Variants in TMEM67 observed in about 807,000 individuals in gnomAD.
TMEM67 encodes transmembrane protein 67.
A neutral mutation model predicts 136.6 loss-of-function variants in TMEM67; 124 were observed. The ratio of observed to expected loss-of-function variants is 0.91; its 90% CI spans 0.78 to 1.05. TMEM67 has a LOEUF of 1.05. Ranked by LOEUF, TMEM67 falls within the 50% of genes least tolerant of loss-of-function variation. The pLI is 0.00. For synonymous variants in TMEM67, 364 were observed against 390.5 expected, an observed-to-expected ratio of 0.93 and a Z score of 0.80; for missense variants, 1,107 against 1,178.4, an observed-to-expected ratio of 0.94 and a Z score of 0.89.
chr8:93,758,489 G>A lies in TMEM67; in HGVS notation c.319G>A (p.Val107Ile). The A allele has an allele frequency of 1.2e-6, 2 of 1,612,758 alleles. No individual in the cohort carries two copies. Among genetic ancestry groups the A allele is most frequent in the Non-Finnish European group, 1.7e-6 (2 of 1,178,998 alleles). Residue 107 changes from valine to isoleucine, a missense_variant, in exon 3 of 28, where the codon GTT becomes ATT. By Grantham distance (29) the Val-to-Ile change is conservative. This residue lies in a region of TMEM67 where 178 missense variants were observed against 159.2 expected (regional missense o/e 1.12). Transcript: ENST00000453321. ...TTTTTTTCTTTTAATTTAGAAAGGT[G>A]TTACAGAAGATGGCTGGAACTGCAT... ...CKKCPENMKG[V>I]TEDGWNCISC...
At chr8:93,756,088 C>T in intron 2 of TMEM67, 1 of 425,328 alleles carries the variant, frequency 2.4e-6, no homozygotes. Context: ...ATCCAAAAAC[C>T]ACAAAGCTGT....
intron 21 of TMEM67, 113 bp downstream of exon 21, chr8:93,799,871 G>T: frequency 1.4e-4 from 111 of 766,022 alleles, no homozygotes; most frequent in Middle Eastern, 3.8e-4. Context: ...GTAGCAGAAA[G>T]AAGGTGACAA....
At chr8:93,781,467 T>G (rs1813823912) in intron 9 of TMEM67, among the ~76,000 whole-genome samples, 191 bp from the exon 10 acceptor site, 1 of 152,050 alleles carries the variant, frequency 6.6e-6, no homozygotes, top group Non-Finnish European at 1.5e-5. Flanking sequence ...AATAATAATT[T>G]TCATGCAAAA....
the TMEM67 span, among the ~76,000 whole-genome samples, chr8:93,827,512 C>T: frequency 6.6e-6 from 1 of 152,024 alleles, no homozygotes; most frequent in African/African-American, 2.4e-5. Context: ...ATCCTCCTGC[C>T]TCAGCCTCCT....
At chr8:93,780,841 C>A (rs373451704) in intron 8 of TMEM67, 33 bp from the exon 9 acceptor site, 170 of 1,591,152 alleles carry the variant, frequency 1.1e-4, no homozygotes, top group Middle Eastern at 2.1e-4. Flanking sequence ...AATATTTATT[C>A]TCCATTATTA....
the TMEM67 span, among the ~76,000 whole-genome samples, chr8:93,831,225 G>A: frequency 6.6e-6 from 1 of 152,232 alleles, no homozygotes; most frequent in Non-Finnish European, 1.5e-5. Context: ...CCCTTTAAGT[G>A]AAAGTTATCT....
chr8:93,806,840 C>T (rs1421599423), intron 23 of TMEM67, among the ~76,000 whole-genome samples: 1 of 151,604 alleles, frequency 6.6e-6, no homozygotes, highest in Non-Finnish European at 1.5e-5. Flanking sequence ...TAGAAATCAT[C>T]AAAAAGGGAA....
intron 15 of TMEM67, among the ~76,000 whole-genome samples, chr8:93,792,747 C>A (rs1256533593): frequency 6.6e-6 from 1 of 150,774 alleles, no homozygotes; most frequent in African/African-American, 2.4e-5. Flanking sequence ...ATTACAAGTT[C>A]CTCCAACTTG....
the TMEM67 span, among the ~76,000 whole-genome samples, chr8:93,830,494 C>G: frequency 6.6e-6 from 1 of 152,170 alleles, no homozygotes; most frequent in Non-Finnish European, 1.5e-5. Flanking sequence ...ATCTTGGGGA[C>G]TGAGCCCTCA....
In TMEM67 at chr8:93,804,859, T is replaced by C. The variant is rs1416365870; in HGVS notation, c.2420T>C (p.Met807Thr). 1 of 1,584,410 alleles carries C rather than the reference T, an allele frequency of 6.3e-7. No homozygotes were observed. The highest frequency in any genetic ancestry group is 8.7e-7 in the Non-Finnish European group (1 of 1,153,134). ...GATACTAATATGGAAGAAATGAATATGAACCTTAAAAGAGAAGCGGTATGA... is the reference window on the plus strand; with the variant it reads ...GATACTAATATGGAAGAAATGAATACGAACCTTAAAAGAGAAGCGGTATGA... ...HADTNMEEMN[M>T]NLKREAENLC... Residue 807 changes from methionine (M) to threonine (T), a missense_variant, in exon 23 of 28, where the codon ATG (methionine) becomes ACG (threonine). Around this residue, in one of 3 missense-constraint regions of TMEM67, gnomAD observed 925 missense variants for 1,002.4 expected, o/e 0.92. Transcript: ENST00000453321.
At position 93,815,232 on chromosome 8, in the gene TMEM67, G is replaced by A. The variant is rs1586101310; in HGVS notation, c.2765-73G>A. ...TGCTGTTTTTAAACATCCAGATTTT[G>A]TCACCAGAAGTTTATCACAGACTTG... On this transcript the variant is annotated intron_variant, in intron 26 of 27. Coordinates refer to ENST00000453321, the MANE Select transcript of TMEM67 (RefSeq NM_153704.6). 4 of 1,052,224 alleles carry A rather than the reference G, an allele frequency of 3.8e-6. No individual in the cohort carries two copies. In the East Asian group the frequency reaches 1.1e-4, roughly 28 times the overall value. 65.2% of individuals were successfully genotyped at this position (1,052,224 alleles called of 1,614,324 possible).
In TMEM67 at chr8:93,755,131, G is replaced by T; in HGVS notation, c.217G>T (p.Ala73Ser). Residue 73 changes from alanine (A) to serine (S), a missense_variant, in exon 1 of 28, where the codon GCC (alanine) becomes TCC (serine). Ala to Ser is a moderately conservative substitution (Grantham distance 99). This residue lies in a region of TMEM67 where 178 missense variants were observed against 159.2 expected (regional missense o/e 1.12). Transcript: ENST00000453321. Reference protein sequence around the residue: ...VPCGANQRQDARGTSCVCLPG... With the variant: ...VPCGANQRQDSRGTSCVCLPG... ...TTGTGGAGCTAACCAGAGGCAAGAT[G>T]CCCGAGGTAAGACGGTTTGCGGTGG... is the stretch of plus-strand genomic sequence containing the variant. 6.2e-7 allele frequency: 1 copy of T among 1,614,136 alleles called. No homozygotes were observed. Among genetic ancestry groups the T allele is most frequent in the Non-Finnish European group, 8.5e-7 (1 of 1,180,000 alleles).
chr8:93,813,405 C>G (rs1246248156), intron 26 of TMEM67, among the ~76,000 whole-genome samples: 1 of 152,154 alleles, frequency 6.6e-6, no homozygotes, highest in Admixed American at 6.5e-5. Flanking sequence ...CCTCGAACTC[C>G]TGACCTCAAG....
At position 93,777,400 on chromosome 8, in the gene TMEM67, A is replaced by C. The variant is rs191414758; in HGVS notation, c.715-3193A>C. ...ATTTCCTGCCTTCTGCTCTCTTTTG[A>C]ATTTGTTTGCTCTTGCTTCTTTACT... is the stretch of plus-strand genomic sequence containing the variant. On this transcript the variant is annotated intron_variant, in intron 7 of 27. Transcript: ENST00000453321. Among the ~76,000 whole-genome samples, 850 of 151,686 alleles carry C rather than the reference A, an allele frequency of 5.6e-3. 7 individuals carry two copies. The highest frequency in any genetic ancestry group is 7.1e-3 in the Non-Finnish European group (483 of 67,908).
At chr8:93,770,937 C>T (rs968643005) in intron 6 of TMEM67, among the ~76,000 whole-genome samples, 1 of 151,924 alleles carries the variant, frequency 6.6e-6, no homozygotes, top group African/African-American at 2.4e-5. Context: ...ATCGCTTGAA[C>T]CCAGGAGACA....
At chr8:93,756,078 A>G (rs1484240953) in intron 2 of TMEM67, 1 of 445,856 alleles carries the variant, frequency 2.2e-6, no homozygotes, top group East Asian at 4.0e-5. Flanking sequence ...AAAATCTGAA[A>G]TCCAAAAACC....
rs34779331 is a variant in TMEM67 at position 93,755,021 on chromosome 8, C to T, written c.107C>T (p.Ala36Val). The T allele has an allele frequency of 1.0e-4, 169 of 1,614,176 alleles. No homozygotes were observed. The African/African-American group carries it at 2.1e-3, about 20-fold the overall frequency. ...LLLFLPRFLQ[A>V]QTFSFPFQQP... ...TTGTTCCTCCCTCGCTTCTTACAGG[C>T]CCAGACCTTCTCTTTCCCTTTCCAG... The change falls in exon 1 of 28, where the codon GCC becomes GTC. Residue 36 changes from alanine to valine, a missense_variant. Coordinates refer to ENST00000453321, the MANE Select transcript of TMEM67 (RefSeq NM_153704.6).
chr8:93,820,835 T>C (rs1809031326), downstream of TMEM67, among the ~76,000 whole-genome samples: 2 of 152,184 alleles, frequency 1.3e-5, no homozygotes, highest in Non-Finnish European at 2.9e-5. Flanking sequence ...TAAGACACTG[T>C]CTCATTGCTG....
chr8:93,823,907 C>T (rs1322262823), downstream of TMEM67, among the ~76,000 whole-genome samples: 1 of 150,948 alleles, frequency 6.6e-6, no homozygotes, highest in African/African-American at 2.4e-5. Flanking sequence ...TAGAGCCTCT[C>T]TCAAAGCCAT....
Sources: gnomAD v4.1 joint callset for allele counts (sites outside exome capture counted in the v4.1 genomes callset) on GRCh38, gnomAD v4.1.1 for gene constraint, gnomAD v4.1.1 regional missense constraint, MANE v1.5 for transcripts, NCBI Gene and HGNC (gene_info 2026-07-23, HGNC 2026-07-21) for gene names.